ME3: variants seen among roughly 807,000 people sequenced by gnomAD.
The protein encoded by ME3 is NADP-dependent malic enzyme, mitochondrial.
A neutral mutation model predicts 68.9 loss-of-function variants in ME3; 48 were observed. That is an observed-to-expected ratio of 0.70 (90% CI 0.55 to 0.89). The LOEUF (loss-of-function observed/expected upper bound fraction) is 0.89. Among genes scored for constraint, ME3 ranks in the 40% least tolerant of loss-of-function variants. ME3 has a pLI of 0.00. For synonymous variants in ME3, 320 were observed against 318.8 expected (o/e 1.00, Z -0.04); for missense variants, 675 against 797.4 (o/e 0.85, Z 1.85).
At chr11:86,482,675 C>T (rs1006986598) in intron 7 of ME3, among the ~76,000 whole-genome samples, 1 of 151,540 alleles carries the variant, frequency 6.6e-6, no homozygotes, top group Non-Finnish European at 1.5e-5. Context: ...GAAGGCCTGG[C>T]AGCTTCCACT....
chr11:86,644,490 T>C (rs989125322), intron 2 of ME3, among the ~76,000 whole-genome samples: 3 of 152,114 alleles, frequency 2.0e-5, no homozygotes, highest in South Asian at 2.1e-4. Context: ...TTTTATGCAA[T>C]TTCCTTTTAC....
chr11:86,451,557 T>C (rs1949634031), intron 8 of ME3, among the ~76,000 whole-genome samples: 1 of 152,216 alleles, frequency 6.6e-6, no homozygotes, highest in African/African-American at 2.4e-5. Context: ...TGTTGAATGA[T>C]TAACCTGTCA....
At chr11:86,547,015 G>A (rs1956397546) in intron 4 of ME3, among the ~76,000 whole-genome samples, 1 of 152,066 alleles carries the variant, frequency 6.6e-6, no homozygotes, top group South Asian at 2.1e-4. Flanking sequence ...CAGGCAGGCG[G>A]ATCACAAGGT....
intron 4 of ME3, among the ~76,000 whole-genome samples, chr11:86,534,526 T>A (rs1294893648): frequency 6.6e-6 from 1 of 151,838 alleles, no homozygotes; most frequent in Non-Finnish European, 1.5e-5. Context: ...AATACAAAAA[T>A]TAGTGGGGCA....
At chr11:86,600,325 T>C (rs1007198783) in intron 2 of ME3, among the ~76,000 whole-genome samples, 2 of 152,126 alleles carry the variant, frequency 1.3e-5, no homozygotes, top group South Asian at 2.1e-4. Flanking sequence ...AAACAGACTC[T>C]AAACCAACAA....
rs779674472 is a variant in ME3, at chr11:86,508,820, A to C, written c.515T>G (p.Leu172Arg). 10 of 1,613,486 alleles carry C rather than the reference A, an allele frequency of 6.2e-6. No individual in the cohort carries two copies. In the African/African-American group the frequency reaches 1.3e-4, roughly 22 times the overall value. ...AATATTGTCTTCTGGCCAAGAATTC[A>C]GCATTGTTGCAAGATGACCTTTGTC... Residue 172 changes from leucine to arginine, a missense_variant, in exon 5 of 15, where the codon CTG becomes CGG. Leu to Arg is a moderately radical substitution (Grantham distance 102). Transcript: ENST00000543262.
chr11:86,533,244 T>C (rs184706116), intron 4 of ME3, among the ~76,000 whole-genome samples: 9 of 151,494 alleles, frequency 5.9e-5, no homozygotes, highest in South Asian at 2.1e-4. Context: ...ATAAGCAAAA[T>C]TGACAAACCC....
chr11:86,626,632 C>T (rs750448273), intron 2 of ME3, among the ~76,000 whole-genome samples: 8 of 152,204 alleles, frequency 5.3e-5, no homozygotes, highest in Non-Finnish European at 7.3e-5. Flanking sequence ...GACTGTCAAA[C>T]ATTTTCTGTA....
chr11:86,602,281 A>G (rs180769098), intron 2 of ME3, among the ~76,000 whole-genome samples: 3 of 147,626 alleles, frequency 2.0e-5, no homozygotes, highest in Middle Eastern at 3.6e-3. Flanking sequence ...TCAATGTACA[A>G]AAATCACAAG....
chr11:86,669,118 C>T (rs1594845051), intron 2 of ME3, among the ~76,000 whole-genome samples: 1 of 152,196 alleles, frequency 6.6e-6, no homozygotes, highest in African/African-American at 2.4e-5. Context: ...AACAGAACAG[C>T]CAGAGGGTGG....
chr11:86,524,482 G>C (rs1240321795), intron 4 of ME3, among the ~76,000 whole-genome samples: 1 of 152,154 alleles, frequency 6.6e-6, no homozygotes, highest in Non-Finnish European at 1.5e-5. Flanking sequence ...ACCCTGTGAA[G>C]ATACACCAAG....
chr11:86,458,684 G>C (rs77930040), intron 8 of ME3, among the ~76,000 whole-genome samples: 1 of 152,110 alleles, frequency 6.6e-6, no homozygotes. Context: ...GAAGTTTCAT[G>C]GCAGGGGGAG....
chr11:86,437,716 G>C (rs1178968570), downstream of ME3, among the ~76,000 whole-genome samples: 1 of 152,062 alleles, frequency 6.6e-6, no homozygotes. Context: ...TTTTGATGCA[G>C]TTGTAAATGA....
At chr11:86,528,597 T>C (rs1460592531) in intron 4 of ME3, among the ~76,000 whole-genome samples, 7 of 152,124 alleles carry the variant, frequency 4.6e-5, no homozygotes, top group Admixed American at 6.5e-5. Flanking sequence ...ATTGACCACA[T>C]AGTTGGAAGT....
At chr11:86,528,766 T>A (rs1420621974) in intron 4 of ME3, among the ~76,000 whole-genome samples, 1 of 151,528 alleles carries the variant, frequency 6.6e-6, no homozygotes, top group Non-Finnish European at 1.5e-5. Context: ...ACTAGGTACA[T>A]AACAAAATGA....
intron 2 of ME3, chr11:86,668,167 A>G (rs113563573): frequency 1.6e-4 from 25 of 152,274 alleles, no homozygotes; most frequent in African/African-American, 6.0e-4. Context: ...TACAGCAGGC[A>G]GGCTGCCTCT....
chr11:86,605,040 GTCTT>G (rs1381991221), intron 2 of ME3, among the ~76,000 whole-genome samples: 2 of 152,082 alleles, frequency 1.3e-5, no homozygotes, highest in African/African-American at 2.4e-5. Context: ...GCAATCACCA[GTCTT>G]TCTGTCTCTA....
At chr11:86,521,502 G>A (rs1954308456) in intron 4 of ME3, among the ~76,000 whole-genome samples, 2 of 151,600 alleles carry the variant, frequency 1.3e-5, no homozygotes, top group African/African-American at 4.9e-5. Context: ...GCTGGTGTGA[G>A]CATTAAATAA....
At chr11:86,667,780 T>C (rs552465280) in intron 2 of ME3, 15 of 152,268 alleles carry the variant, frequency 9.9e-5, no homozygotes, top group Non-Finnish European at 1.5e-4. Flanking sequence ...GTCAGAAATA[T>C]GTTGATGGCC....
Sources: allele counts gnomAD v4.1 joint callset (sites outside exome capture counted in the v4.1 genomes callset), GRCh38; gene constraint gnomAD v4.1.1; transcripts MANE v1.5; gene names NCBI Gene and HGNC (gene_info 2026-07-23, HGNC 2026-07-21).